Variants in ARK2C observed in about 807,000 individuals in gnomAD.
The protein encoded by ARK2C is E3 ubiquitin-protein ligase ARK2C.
chr18:46,345,755 C>A, the ARK2C span, among the ~76,000 whole-genome samples: 3 of 152,336 alleles, frequency 2.0e-5, no homozygotes, highest in Admixed American at 6.5e-5. Flanking sequence ...CCTTTGAATG[C>A]AAATACAGAA....
At chr18:46,409,824 A>C in the ARK2C span, among the ~76,000 whole-genome samples, 1 of 152,160 alleles carries the variant, frequency 6.6e-6, no homozygotes, top group African/African-American at 2.4e-5. Context: ...TAACTGCACA[A>C]TATTCCCCAA....
At chr18:46,432,965 A>C in the ARK2C span, among the ~76,000 whole-genome samples, 9 of 150,842 alleles carry the variant, frequency 6.0e-5, no homozygotes, top group South Asian at 1.0e-3. Context: ...TAAATAAATA[A>C]ATAAAAAATA....
At chr18:46,435,056 C>G in the ARK2C span, among the ~76,000 whole-genome samples, 6 of 152,264 alleles carry the variant, frequency 3.9e-5, no homozygotes, top group East Asian at 1.2e-3. Flanking sequence ...CTCTGCACAG[C>G]GGGCAGCCCG....
chr18:46,415,247 A>G, the ARK2C span, among the ~76,000 whole-genome samples: 1 of 152,234 alleles, frequency 6.6e-6, no homozygotes, highest in Admixed American at 6.5e-5. Context: ...AAGGCGAGGC[A>G]CAGTGGTTCA....
chr18:46,406,501 A>G, the ARK2C span, among the ~76,000 whole-genome samples: 1 of 152,204 alleles, frequency 6.6e-6, no homozygotes, highest in East Asian at 1.9e-4. Flanking sequence ...ACAGGTGGGA[A>G]CTGGGAGAGT....
At chr18:46,377,877 A>T in the ARK2C span, among the ~76,000 whole-genome samples, 1 of 152,060 alleles carries the variant, frequency 6.6e-6, no homozygotes, top group South Asian at 2.1e-4. Context: ...TCTAGAGCAA[A>T]GGGTACAGGA....
chr18:46,433,644 C>T, the ARK2C span: 1 of 740,458 alleles, frequency 1.4e-6, no homozygotes, highest in Non-Finnish European at 2.1e-6. Flanking sequence ...TCCTAGACTC[C>T]TGGCTTCTCT....
At chr18:46,398,871 C>T in the ARK2C span, among the ~76,000 whole-genome samples, 1 of 151,836 alleles carries the variant, frequency 6.6e-6, no homozygotes, top group Non-Finnish European at 1.5e-5. Flanking sequence ...TCAAATGAGA[C>T]ACGTCGACAA....
At chr18:46,370,115 T>A in the ARK2C span, among the ~76,000 whole-genome samples, 1 of 152,312 alleles carries the variant, frequency 6.6e-6, no homozygotes, top group East Asian at 1.9e-4. Flanking sequence ...TCCAGGCTCA[T>A]CTACCAATCT....
At chr18:46,448,336 G>C in the ARK2C span, among the ~76,000 whole-genome samples, 8 of 152,012 alleles carry the variant, frequency 5.3e-5, no homozygotes, top group African/African-American at 1.7e-4. Flanking sequence ...CCCTCTCTTC[G>C]CAGCTCCTAT....
At chr18:46,392,729 C>T in the ARK2C span, among the ~76,000 whole-genome samples, 1 of 152,164 alleles carries the variant, frequency 6.6e-6, no homozygotes, top group African/African-American at 2.4e-5. Context: ...GTGCCAGAGC[C>T]CTTGATTCAG....
chr18:46,347,207 T>C, the ARK2C span, among the ~76,000 whole-genome samples: 1 of 152,220 alleles, frequency 6.6e-6, no homozygotes, highest in Non-Finnish European at 1.5e-5. Context: ...CTCTCCCATG[T>C]AGGCCCAGAT....
chr18:46,376,301 G>A, the ARK2C span, among the ~76,000 whole-genome samples: 2 of 152,262 alleles, frequency 1.3e-5, no homozygotes, highest in African/African-American at 4.8e-5. Context: ...TGAGGTAAAT[G>A]TTAGGATGCC....
the ARK2C span, among the ~76,000 whole-genome samples, chr18:46,337,855 A>G: frequency 2.0e-5 from 3 of 149,176 alleles, no homozygotes; most frequent in African/African-American, 5.0e-5. Flanking sequence ...CATTTAGTCC[A>G]TATCTTTTCA....
At chr18:46,375,738 T>G in the ARK2C span, among the ~76,000 whole-genome samples, 132,134 of 152,018 alleles carry the variant, frequency 0.87, 57,996 homozygotes, top group African/African-American at 0.93. Context: ...GACAGGCAAG[T>G]TGGAGGAGAT....
the ARK2C span, among the ~76,000 whole-genome samples, chr18:46,380,846 C>T: frequency 1.3e-5 from 2 of 152,240 alleles, no homozygotes; most frequent in East Asian, 3.9e-4. Flanking sequence ...GTCCCCATCA[C>T]ACTCGCCCCA....
the ARK2C span, chr18:46,334,707 TGTGTGTGTGAGAGA>T: frequency 3.1e-3 from 858 of 276,980 alleles, 7 homozygotes; most frequent in African/African-American, 0.017. This position sits in a 1 kb window ranked among gnomAD's most constrained non-coding sequence, Gnocchi z 4.4. Flanking sequence ...TGTGTGTGTG[TGTGTGTGTGAGAGA>T]GAGAGAGAGC....
chr18:46,447,805 C>T, the ARK2C span: 1 of 1,254,176 alleles, frequency 8.0e-7, no homozygotes, highest in South Asian at 1.3e-5. Context: ...GTATCCTTGG[C>T]TCCCCTGTGC....
the ARK2C span, among the ~76,000 whole-genome samples, chr18:46,413,740 GCT>G: frequency 6.6e-6 from 1 of 152,034 alleles, no homozygotes; most frequent in African/African-American, 2.4e-5. Flanking sequence ...CTTAAAAACT[GCT>G]CTGTGTGTTT....
Sources: allele counts gnomAD v4.1 joint callset (sites outside exome capture counted in the v4.1 genomes callset), GRCh38; gene constraint gnomAD v4.1.1; non-coding constraint Gnocchi (gnomAD v3.1); transcripts MANE v1.5; gene names NCBI Gene and HGNC (gene_info 2026-07-23, HGNC 2026-07-21).